Variants in NIBAN2 observed in about 807,000 individuals in gnomAD.
NIBAN2 encodes niban apoptosis regulator 2, also known as protein Niban 2.
Under a neutral mutation model 81.8 loss-of-function variants are expected in NIBAN2, and 36 were observed. The observed-to-expected ratio is 0.44, with a 90% CI of 0.34 to 0.58. The LOEUF (loss-of-function observed/expected upper bound fraction) is 0.58, where lower values mean the gene tolerates loss of function less well. Ranked by LOEUF, NIBAN2 falls within the 20% of genes least tolerant of loss-of-function variation. The probability of loss-of-function intolerance (pLI) is 0.02; values close to 1 mark genes in which losing one functional copy is unlikely to be tolerated. For synonymous variants in NIBAN2, 445 were observed against 441.6 expected, an observed-to-expected ratio of 1.01 and a Z score of -0.10; for missense variants, 897 against 1,014.1, an observed-to-expected ratio of 0.88 and a Z score of 1.57.
Position 127,523,195 on chromosome 9 carries a change from ATATATATATATATATATATATATATAT to A in NIBAN2, c.589+457_589+483del, listed in dbSNP as rs1836989754. On this transcript the variant is annotated intron_variant, in intron 5 of 13. Coordinates refer to ENST00000373312, the MANE Select transcript of NIBAN2 (RefSeq NM_022833.4). ...AAAAAAAAAAAAAAAAAAAAAAAAT[ATATATATATATATATATATATATATAT>A]ATATATATATATATATATATATATA... Among the ~76,000 whole-genome samples the A allele has an allele frequency of 4.4e-3, 20 of 4,558 alleles. 4 individuals carry two copies. Among genetic ancestry groups the A allele is most frequent in the African/African-American group, 9.6e-3 (10 of 1,040 alleles). The allele number at this position is 4,558 out of a possible 152,430, so 3.0% of individuals were successfully genotyped here. A position where few individuals can be genotyped will look rare whatever the true frequency, so the allele number is the denominator to read the frequency against.
intron 8 of NIBAN2, among the ~76,000 whole-genome samples, chr9:127,512,329 AGGCTGGAGTATAGT>A: frequency 6.9e-6 from 1 of 144,634 alleles, no homozygotes; most frequent in African/African-American, 2.6e-5. Flanking sequence ...TCTGTTGACC[AGGCTGGAGTATAGT>A]GGCTCGATCT....
At chr9:127,533,827 A>G (rs1837226744) in intron 1 of NIBAN2, among the ~76,000 whole-genome samples, 1 of 152,268 alleles carries the variant, frequency 6.6e-6, no homozygotes, top group African/African-American at 2.4e-5. Flanking sequence ...TTTTATAATC[A>G]TGATTCCTTT....
chr9:127,508,472 T>A lies in NIBAN2; in HGVS notation c.1384A>T (p.Lys462Ter), dbSNP rs376530400. The A allele has an allele frequency of 6.2e-7, 1 of 1,613,610 alleles. No homozygotes were observed. The highest frequency in any genetic ancestry group is 8.5e-7 in the Non-Finnish European group (1 of 1,179,970). ...TGGATGGACTTGCACAGCTCCTCCT[T>A]GGTGGGCCCCTTCCCCAGCTCCTGG... ...LHQELGKGPT[K>*]EELCKSIQRV... Residue 462 changes from lysine (K) to a stop codon, truncating the protein, a stop_gained, in exon 11 of 14, where the codon AAG (lysine) becomes TAG (stop). Coordinates refer to ENST00000373312, the MANE Select transcript of NIBAN2 (RefSeq NM_022833.4). LOFTEE classifies it high-confidence loss of function. The surrounding 1 kb of genome is among the most constrained non-coding windows in gnomAD (Gnocchi z 6.4).
In NIBAN2 at chr9:127,545,229, C is replaced by T. The variant is rs1028022657; in HGVS notation, c.56-13451G>A. The stretch of plus-strand genomic sequence containing the variant: ...CCTCCCCAGGCTCAAGTGCCACCTC[C>T]TCGGAACCCTCCCTCCAGACAAGTC... On this transcript the variant is annotated intron_variant, in intron 1 of 13. Transcript: ENST00000373312. The surrounding 1 kb of genome is among the most constrained non-coding windows in gnomAD (Gnocchi z 4.7). Among the ~76,000 whole-genome samples the T allele has an allele frequency of 2.0e-5, 3 of 152,164 alleles. No individual in the cohort carries two copies. Among genetic ancestry groups the T allele is most frequent in the African/African-American group, 7.2e-5 (3 of 41,422 alleles).
chr9:127,511,620 T>C lies in NIBAN2; in HGVS notation c.974-1287A>G, dbSNP rs145054986. 2.2e-3 allele frequency among the ~76,000 whole-genome samples: 333 copies of C among 152,326 alleles called. 3 individuals carry two copies. In the East Asian group the frequency reaches 0.042, roughly 19 times the overall value. ...ATGACAAGGTGTTCTGAGATTGGAC[T>C]CTGATCTTTCTGAAACCATGATGGC... On this transcript the variant is annotated intron_variant, in intron 8 of 13. Transcript: ENST00000373312.
rs750525330 is a variant in NIBAN2, at chr9:127,516,828, GC to G, written c.973+28del. 4 of 1,597,512 alleles carry G rather than the reference GC, an allele frequency of 2.5e-6. No homozygotes were observed. In the East Asian group the frequency reaches 6.8e-5, roughly 27 times the overall value. ...GAAAGTCCACCTTGGCCCCTGGAGG[GC>G]CCGTCGAGCACGGGGGTGGCTGCCT... On this transcript the variant is annotated intron_variant, in intron 8 of 13. Transcript: ENST00000373312.
intron 1 of NIBAN2, among the ~76,000 whole-genome samples, chr9:127,549,000 TG>T (rs2132218349): frequency 6.6e-6 from 1 of 152,228 alleles, no homozygotes; most frequent in South Asian, 2.1e-4. Context: ...AAGCAGAGGC[TG>T]GAGGGTCAAA....
intron 1 of NIBAN2, chr9:127,578,782 A>G (rs1321956629): frequency 6.8e-6 from 5 of 739,748 alleles, no homozygotes; most frequent in South Asian, 2.0e-5. Context: ...CCTTGAGCCC[A>G]GGAGTTTGAG....
chr9:127,539,922 A>T (rs7041269), intron 1 of NIBAN2, among the ~76,000 whole-genome samples: 6,794 of 152,190 alleles, frequency 0.045, 493 homozygotes, highest in African/African-American at 0.16. Context: ...CTGAGCCTTT[A>T]TTTTCCCCTC....
chr9:127,561,073 C>T (rs1340721649), intron 1 of NIBAN2: 1 of 965,630 alleles, frequency 1.0e-6, no homozygotes. Context: ...ATGTTCCCAT[C>T]CATCTTCTAA....
chr9:127,575,848 T>G (rs1838002867), intron 1 of NIBAN2, among the ~76,000 whole-genome samples: 1 of 152,092 alleles, frequency 6.6e-6, no homozygotes, highest in African/African-American at 2.4e-5. Flanking sequence ...ATGGATTTTT[T>G]TCCCGCATCT....
intron 1 of NIBAN2, among the ~76,000 whole-genome samples, chr9:127,552,639 C>T (rs2132223475): frequency 6.7e-6 from 1 of 150,138 alleles, no homozygotes; most frequent in South Asian, 2.1e-4. Flanking sequence ...AGGGCTTTGA[C>T]TGAGTAAGTT....
chr9:127,555,688 C>T (rs1348559059), intron 1 of NIBAN2, among the ~76,000 whole-genome samples: 4 of 152,228 alleles, frequency 2.6e-5, no homozygotes, highest in Non-Finnish European at 5.9e-5. Flanking sequence ...CTTTCCCACT[C>T]AGTGGGCTGT....
chr9:127,547,668 C>T (rs543013616), intron 1 of NIBAN2, among the ~76,000 whole-genome samples: 5 of 151,882 alleles, frequency 3.3e-5, no homozygotes, highest in African/African-American at 1.2e-4. Context: ...AGAAACCCTG[C>T]CTCTACTAAA....
chr9:127,564,694 G>A (rs1262580830), intron 1 of NIBAN2, among the ~76,000 whole-genome samples: 2 of 151,976 alleles, frequency 1.3e-5, no homozygotes, highest in Admixed American at 6.6e-5. Context: ...CCAACATGGT[G>A]AAACCCTGTC....
Position 127,566,515 on chromosome 9 carries a change from G to A in NIBAN2, c.55+2305C>T, listed in dbSNP as rs563776831. Among the ~76,000 whole-genome samples the A allele has an allele frequency of 1.1e-4, 16 of 152,312 alleles. No individual in the cohort carries two copies. In the East Asian group the frequency reaches 2.9e-3, roughly 28 times the overall value. On this transcript the variant is annotated intron_variant, in intron 1 of 13. Transcript: ENST00000373312. ...GGTGCCGTGGCAGCAAAACAGCACC[G>A]TGGCCGGGAGCACGCTTGACCTTTG...
chr9:127,506,738 G>C lies in NIBAN2; in HGVS notation c.*107C>G. ...TGGCGGTGCCACACAGCCCTGCCCC[G>C]CCTCCACCCACAAGGCACAGACCAG... On this transcript the variant is annotated 3_prime_UTR_variant, in exon 14 of 14. Transcript: ENST00000373312. 1 of 1,042,506 alleles carries C rather than the reference G, an allele frequency of 9.6e-7. No homozygotes were observed. Among genetic ancestry groups the C allele is most frequent in the East Asian group, 2.7e-5 (1 of 37,402 alleles). The allele number at this position is 1,042,506 out of a possible 1,614,324, so 64.6% of individuals were successfully genotyped here.
intron 1 of NIBAN2, among the ~76,000 whole-genome samples, chr9:127,556,246 G>A (rs926426861): frequency 1.3e-5 from 2 of 152,056 alleles, no homozygotes; most frequent in Non-Finnish European, 2.9e-5. Flanking sequence ...ACATGGCTTC[G>A]TGCCTGCGGG....
chr9:127,552,099 G>C (rs983777394), intron 1 of NIBAN2, among the ~76,000 whole-genome samples: 9 of 152,106 alleles, frequency 5.9e-5, no homozygotes, highest in African/African-American at 2.2e-4. Flanking sequence ...GCCATGCTGG[G>C]CCTGTCTTCC....
Sources: allele counts gnomAD v4.1 joint callset (sites outside exome capture counted in the v4.1 genomes callset), GRCh38; gene constraint gnomAD v4.1.1; non-coding constraint Gnocchi (gnomAD v3.1); transcripts MANE v1.5; gene names NCBI Gene and HGNC (gene_info 2026-07-23, HGNC 2026-07-21).